BICRA: variants seen among roughly 807,000 people sequenced by gnomAD.
The protein encoded by BICRA is BRD4-interacting chromatin-remodeling complex-associated protein.
BICRA carries 31 observed loss-of-function variants against 96.9 expected under a neutral mutation model. The ratio of observed to expected loss-of-function variants is 0.32; its 90% CI spans 0.24 to 0.43. The LOEUF (loss-of-function observed/expected upper bound fraction) is 0.43, where lower values mean the gene tolerates loss of function less well. Among genes scored for constraint, BICRA ranks in the 20% least tolerant of loss-of-function variants. The probability of loss-of-function intolerance (pLI) is 1.00; values close to 1 mark genes in which losing one functional copy is unlikely to be tolerated. For synonymous variants in BICRA, 1,350 were observed against 1,071.8 expected, an observed-to-expected ratio of 1.26 and a Z score of -5.07; for missense variants, 2,283 against 2,190.3, an observed-to-expected ratio of 1.04 and a Z score of -0.84.
chr19:47,685,246 A>T (rs991803338), intron 7 of BICRA, among the ~76,000 whole-genome samples: 2 of 151,658 alleles, frequency 1.3e-5, no homozygotes, highest in Non-Finnish European at 2.9e-5. Flanking sequence ...TTGGCTTCTC[A>T]CAGGGCTGGG....
At chr19:47,646,359 C>T (rs920158802) in intron 1 of BICRA, among the ~76,000 whole-genome samples, 1 of 152,134 alleles carries the variant, frequency 6.6e-6, no homozygotes, top group African/African-American at 2.4e-5. Flanking sequence ...CTCCAGAAAT[C>T]GCCAGCCCCT....
chr19:47,656,465 C>T (rs1458958878), intron 1 of BICRA, among the ~76,000 whole-genome samples: 2 of 152,184 alleles, frequency 1.3e-5, no homozygotes, highest in African/African-American at 4.8e-5. Context: ...CAGAGGCTTT[C>T]AGGAACCTAA....
chr19:47,680,903 C>T lies in BICRA; in HGVS notation c.1733C>T (p.Ala578Val). 6.7e-7 allele frequency: 1 copy of T among 1,484,746 alleles called. No individual in the cohort carries two copies. Among genetic ancestry groups the T allele is most frequent in the South Asian group, 1.3e-5 (1 of 74,828 alleles). The allele number at this position is 1,484,746 out of a possible 1,614,324, so 92.0% of individuals were successfully genotyped here. The change falls in exon 6 of 15, where the codon GCC becomes GTC. Residue 578 changes from alanine to valine, a missense_variant. Ala to Val is a moderately conservative substitution (Grantham distance 64). Coordinates refer to ENST00000594866, the MANE Select transcript of BICRA (RefSeq NM_001394372.1). ...TQSQPAPAGP[A>V]ATTVLQGVTL... ...AGCCAGCCAGCGCCCGCCGGGCCGG[C>T]CGCCACCACTGTCCTCCAGGGGGTC...
intron 1 of BICRA, among the ~76,000 whole-genome samples, chr19:47,629,772 CT>C (rs1280414387): frequency 6.6e-6 from 1 of 152,182 alleles, no homozygotes; most frequent in Non-Finnish European, 1.5e-5. Context: ...ATTCCTCTGC[CT>C]CAGCTTCCTG....
intron 1 of BICRA, among the ~76,000 whole-genome samples, chr19:47,645,607 A>G (rs558349044): frequency 4.6e-5 from 7 of 152,362 alleles, no homozygotes; most frequent in African/African-American, 1.4e-4. Flanking sequence ...GGAGGGAGCA[A>G]AAAAGAAACT....
chr19:47,692,530 G>A (rs1432703975), intron 7 of BICRA, among the ~76,000 whole-genome samples: 4 of 152,052 alleles, frequency 2.6e-5, no homozygotes, highest in Non-Finnish European at 5.9e-5. Context: ...GTGCCCGGCC[G>A]AATATTCTTC....
intron 1 of BICRA, among the ~76,000 whole-genome samples, chr19:47,668,063 T>C (rs543095376): frequency 6.6e-6 from 1 of 152,280 alleles, no homozygotes; most frequent in Admixed American, 6.5e-5. Flanking sequence ...ACTCTGTCTT[T>C]ACTAAAAATA....
chr19:47,644,374 C>A (rs776899843), intron 1 of BICRA, among the ~76,000 whole-genome samples: 45 of 151,716 alleles, frequency 3.0e-4, no homozygotes, highest in Admixed American at 8.6e-4. Flanking sequence ...CTTTTATTTT[C>A]TTTGCTTTTC....
chr19:47,694,413 C>G lies in BICRA; in HGVS notation c.2582C>G (p.Pro861Arg), dbSNP rs1388611789. 4.8e-6 allele frequency: 5 copies of G among 1,050,212 alleles called. No individual in the cohort carries two copies. Among genetic ancestry groups the G allele is most frequent in the Non-Finnish European group, 7.3e-6 (5 of 687,830 alleles). 65.1% of individuals were successfully genotyped at this position (1,050,212 alleles called of 1,614,324 possible). A position where few individuals can be genotyped will look rare whatever the true frequency, so the allele number is the denominator to read the frequency against. ...APTAPGPPQP[P>R]LRPQSQPPEG... ...ACTGCCCCAGGCCCGCCGCAGCCGC[C>G]TCTCCGCCCCCAGTCCCAGCCGCCT... Residue 861 changes from proline (P) to arginine (R), a missense_variant, in exon 8 of 15, where the codon CCT becomes CGT. Transcript: ENST00000594866.
chr19:47,641,341 G>A (rs1348257586), intron 1 of BICRA, among the ~76,000 whole-genome samples: 2 of 151,998 alleles, frequency 1.3e-5, no homozygotes, highest in Non-Finnish European at 1.5e-5. Context: ...TCACGATCAG[G>A]ATACAGAATG....
chr19:47,662,189 T>A (rs1972714162), intron 1 of BICRA: 2 of 152,472 alleles, frequency 1.3e-5, no homozygotes, highest in African/African-American at 4.8e-5. Context: ...GGACTGGGCG[T>A]AGCTAGGTGC....
chr19:47,666,507 C>A (rs146349485), intron 1 of BICRA, among the ~76,000 whole-genome samples: 2,393 of 152,200 alleles, frequency 0.016, 66 homozygotes, highest in African/African-American at 0.054. Context: ...GAACTCCTGA[C>A]CTCAGTTGAT....
intron 1 of BICRA, chr19:47,661,674 T>C (rs1163236337): frequency 6.6e-6 from 1 of 151,688 alleles, no homozygotes. Flanking sequence ...AGAAAATACA[T>C]TTACTACATT....
At chr19:47,691,943 A>G (rs1973247288) in intron 7 of BICRA, among the ~76,000 whole-genome samples, 1 of 152,224 alleles carries the variant, frequency 6.6e-6, no homozygotes. Context: ...GCAAAGAAAT[A>G]AAGCAGACAG....
At chr19:47,689,703 C>A (rs891465291) in intron 7 of BICRA, among the ~76,000 whole-genome samples, 1 of 152,152 alleles carries the variant, frequency 6.6e-6, no homozygotes, top group Non-Finnish European at 1.5e-5. Flanking sequence ...CGTGAGCCAC[C>A]ACGCCTGGCC....
intron 1 of BICRA, among the ~76,000 whole-genome samples, chr19:47,626,571 G>GTTTTTT (rs549577847): frequency 1.6e-5 from 2 of 126,634 alleles, no homozygotes; most frequent in African/African-American, 5.9e-5. Context: ...TAATTTTTTG[G>GTTTTTT]TTTTTTTTTT....
At chr19:47,637,909 T>C (rs1972324410) in intron 1 of BICRA, among the ~76,000 whole-genome samples, 1 of 152,222 alleles carries the variant, frequency 6.6e-6, no homozygotes. Flanking sequence ...ACTGGATGGA[T>C]GGACCGGATT....
chr19:47,629,278 C>T (rs537236069), intron 1 of BICRA, among the ~76,000 whole-genome samples: 3 of 152,330 alleles, frequency 2.0e-5, no homozygotes, highest in Non-Finnish European at 4.4e-5. Flanking sequence ...GCTGGGATTA[C>T]AGGCGTGAGC....
At chr19:47,691,554 TTATTTATTTATG>T (rs1973241287) in intron 7 of BICRA, among the ~76,000 whole-genome samples, 1 of 152,148 alleles carries the variant, frequency 6.6e-6, no homozygotes, top group African/African-American at 2.4e-5. Flanking sequence ...ATATTTTATT[TTATTTATTTATG>T]TATTTATTTA....
Sources: gnomAD v4.1 joint callset for allele counts (sites outside exome capture counted in the v4.1 genomes callset) on GRCh38, gnomAD v4.1.1 for gene constraint, MANE v1.5 for transcripts, NCBI Gene and HGNC (gene_info 2026-07-23, HGNC 2026-07-21) for gene names.